Variants in SLC15A5 observed in about 807,000 individuals in gnomAD.
The protein encoded by SLC15A5 is solute carrier family 15 member 5.
In SLC15A5, 58 loss-of-function variants were observed where a neutral mutation model predicts 56.1. That is an observed-to-expected ratio of 1.03 (90% CI 0.84 to 1.29). SLC15A5 has a LOEUF of 1.29. Ranked by LOEUF, SLC15A5 falls within the 50% of genes most tolerant of loss-of-function variation. The pLI, the probability that SLC15A5 is intolerant of heterozygous loss-of-function variation, is 0.00. For missense variants in SLC15A5, 681 were observed against 672.1 expected (o/e 1.01, Z -0.15); for synonymous variants, 264 against 250.5 (o/e 1.05, Z -0.51).
chr12:16,201,079 G>GT (rs1322186191), intron 7 of SLC15A5, among the ~76,000 whole-genome samples: 3 of 152,074 alleles, frequency 2.0e-5, no homozygotes, highest in African/African-American at 7.2e-5. Context: ...AATGAGATGA[G>GT]TACTTAGGTA....
chr12:16,242,138 T>A (rs540373502), intron 4 of SLC15A5, among the ~76,000 whole-genome samples: 3 of 152,328 alleles, frequency 2.0e-5, no homozygotes, highest in African/African-American at 7.2e-5. Context: ...TGAAGGTCAA[T>A]AATGGCTACT....
chr12:16,225,348 TG>T lies in SLC15A5; in HGVS notation c.1163-747del, dbSNP rs1386315277. Among the ~76,000 whole-genome samples the T allele has an allele frequency of 3.3e-5, 5 of 152,294 alleles. No individual in the cohort carries two copies. The East Asian group carries it at 9.6e-4, about 29-fold the overall frequency. ...AACTAGTTTACAGTCCCACCAACAG[TG>T]GAAAAGTGTTCCTATAGGCAATACC... On this transcript the variant is annotated intron_variant, in intron 5 of 8. Coordinates refer to ENST00000344941, the MANE Select transcript of SLC15A5 (RefSeq NM_001170798.1).
Position 16,237,996 on chromosome 12 carries a change from C to A in SLC15A5, c.1162+1685G>T, listed in dbSNP as rs1053989238. 6.6e-6 allele frequency among the ~76,000 whole-genome samples: 1 copy of A among 152,168 alleles called. No individual in the cohort carries two copies. Among genetic ancestry groups the A allele is most frequent in the African/African-American group, 2.4e-5 (1 of 41,442 alleles). ...ATTTCTACATTGGCAGACAGAAAAGCACTTTTTAAGTCTTAAGGATTATCA... is the reference window on the plus strand; with the variant it reads ...ATTTCTACATTGGCAGACAGAAAAGAACTTTTTAAGTCTTAAGGATTATCA... On this transcript the variant is annotated intron_variant, in intron 5 of 8. Transcript: ENST00000344941. This position sits in a 1 kb window ranked among gnomAD's most constrained non-coding sequence, Gnocchi z 4.1.
intron 5 of SLC15A5, 27 bp from the exon 6 acceptor site, chr12:16,224,629 A>G (rs1864221652): frequency 1.3e-6 from 2 of 1,516,558 alleles, no homozygotes; most frequent in African/African-American, 2.8e-5. Flanking sequence ...CAAAAGAAAA[A>G]AAAGTTAAAC....
Position 16,196,158 on chromosome 12 carries a change from G to T in SLC15A5, c.1484-1705C>A, listed in dbSNP as rs545528112. ...ATTTGGCAAAATAATACCAAAATAGGTATTATGATAGGTATAAATAAGTAT... is the reference window on the plus strand; with the variant it reads ...ATTTGGCAAAATAATACCAAAATAGTTATTATGATAGGTATAAATAAGTAT... On this transcript the variant is annotated intron_variant, in intron 7 of 8. Coordinates refer to ENST00000344941, the MANE Select transcript of SLC15A5 (RefSeq NM_001170798.1). This position sits in a 1 kb window ranked among gnomAD's most constrained non-coding sequence, Gnocchi z 4.0. Among the ~76,000 whole-genome samples, 1 of 151,922 alleles carries T rather than the reference G, an allele frequency of 6.6e-6. No homozygotes were observed. Among genetic ancestry groups the T allele is most frequent in the South Asian group, 2.1e-4 (1 of 4,808 alleles).
intron 3 of SLC15A5, among the ~76,000 whole-genome samples, chr12:16,250,611 G>T (rs1864510261): frequency 6.6e-6 from 1 of 151,942 alleles, no homozygotes; most frequent in Admixed American, 6.6e-5. Flanking sequence ...AATGAAGATG[G>T]CGTCTAAAAT....
chr12:16,191,296 C>T (rs1397010049), intron 8 of SLC15A5, among the ~76,000 whole-genome samples: 1 of 151,910 alleles, frequency 6.6e-6, no homozygotes, highest in Non-Finnish European at 1.5e-5. Context: ...AAGATTGTAT[C>T]AGACTAATAT....
intron 5 of SLC15A5, 59 bp from the exon 6 acceptor site, chr12:16,224,661 A>G (rs1246296721): frequency 6.3e-6 from 9 of 1,436,586 alleles, no homozygotes; most frequent in East Asian, 2.5e-5. Context: ...GATTCATGTA[A>G]TAAGCCATAA....
At chr12:16,207,445 ATTACTTTAAT>A (rs1409519385) in intron 7 of SLC15A5, among the ~76,000 whole-genome samples, 1 of 106,414 alleles carries the variant, frequency 9.4e-6, no homozygotes, top group East Asian at 3.8e-4. Context: ...TTTACCCCAA[ATTACTTTAAT>A]TTAAGAGTAG....
At chr12:16,253,696 C>A (rs1440151875) in intron 3 of SLC15A5, among the ~76,000 whole-genome samples, 1 of 145,816 alleles carries the variant, frequency 6.9e-6, no homozygotes, top group Non-Finnish European at 1.5e-5. Flanking sequence ...CATAGGGAGA[C>A]CCTGTCTTTG....
At chr12:16,198,783 C>T (rs1799523) in intron 7 of SLC15A5, among the ~76,000 whole-genome samples, 1 of 151,928 alleles carries the variant, frequency 6.6e-6, no homozygotes, top group Non-Finnish European at 1.5e-5. Context: ...AAACATATAT[C>T]GTGATACACA....
intron 2 of SLC15A5, 47 bp downstream of exon 2, chr12:16,272,514 T>G (rs758511795): frequency 6.0e-6 from 9 of 1,501,088 alleles, no homozygotes; most frequent in Non-Finnish European, 8.1e-6. Flanking sequence ...AAGTAAACAG[T>G]GAGAATGGTC....
At chr12:16,259,904 G>GGGT (rs775470826) in intron 2 of SLC15A5, among the ~76,000 whole-genome samples, 3 of 151,678 alleles carry the variant, frequency 2.0e-5, no homozygotes, top group African/African-American at 7.3e-5. Context: ...ACCCGGGCGG[G>GGGT]GGGTAAGTTA....
chr12:16,193,280 A>G (rs1413126260), intron 8 of SLC15A5, among the ~76,000 whole-genome samples: 1 of 152,100 alleles, frequency 6.6e-6, no homozygotes, highest in Non-Finnish European at 1.5e-5. Context: ...TAATTTATAC[A>G]CTTTGGAGTG....
intron 7 of SLC15A5, among the ~76,000 whole-genome samples, chr12:16,210,622 G>A (rs3864923): frequency 0.54 from 82,214 of 152,044 alleles, 22,554 homozygotes; most frequent in South Asian, 0.74. Flanking sequence ...GAAGACTAGA[G>A]AGAGAAACAG....
intron 5 of SLC15A5, among the ~76,000 whole-genome samples, chr12:16,236,861 C>T (rs547037330): frequency 5.3e-5 from 8 of 152,166 alleles, no homozygotes; most frequent in Non-Finnish European, 1.0e-4. Context: ...AACATCAATA[C>T]ATTAACTTCT....
Position 16,216,970 on chromosome 12 carries a change from T to G in SLC15A5, c.1406A>C (p.Asn469Thr), listed in dbSNP as rs1311206575. The part of the protein sequence containing the change: ...VPSNVRGTSM[N>T]FLTLFNGFGC... ...AAATCCATTGAACAGTGTCAGAAAA[T>G]TCATGGAGGTTCCTCTGACATTGCT... Residue 469 changes from asparagine to threonine, a missense_variant, in exon 7 of 9, where the codon AAT becomes ACT. Physicochemically the swap from Asn to Thr is moderately conservative, Grantham distance 65. Transcript: ENST00000344941. The G allele has an allele frequency of 1.3e-6, 2 of 1,536,768 alleles. No homozygotes were observed. Among genetic ancestry groups the G allele is most frequent in the Middle Eastern group, 1.7e-4 (1 of 5,986 alleles).
chr12:16,204,933 A>G (rs976946890), intron 7 of SLC15A5, among the ~76,000 whole-genome samples: 7 of 152,158 alleles, frequency 4.6e-5, no homozygotes, highest in Admixed American at 3.9e-4. Context: ...ATAATGAAAA[A>G]GGTGGACAGA....
intron 2 of SLC15A5, among the ~76,000 whole-genome samples, chr12:16,267,001 C>T (rs148513118): frequency 3.0e-4 from 45 of 152,126 alleles, no homozygotes; most frequent in African/African-American, 9.2e-4. Context: ...TAAACATTCA[C>T]TTAATTAATT....
Sources: allele counts gnomAD v4.1 joint callset (sites outside exome capture counted in the v4.1 genomes callset), GRCh38; gene constraint gnomAD v4.1.1; non-coding constraint Gnocchi (gnomAD v3.1); transcripts MANE v1.5; gene names NCBI Gene and HGNC (gene_info 2026-07-23, HGNC 2026-07-21).